The following REC114 variants were observed in gnomAD, a reference collection of about 807,000 sequenced individuals.
REC114 encodes the protein meiotic recombination protein REC114.
In REC114, 27 loss-of-function variants were observed where a neutral mutation model predicts 31.3. That is an observed-to-expected ratio of 0.86 (90% CI 0.64 to 1.19). REC114 has a LOEUF of 1.19. Ranked by LOEUF, REC114 falls within the 50% of genes most tolerant of loss-of-function variation. REC114 has a pLI of 0.00. For missense variants in REC114, 344 were observed against 326.9 expected (o/e 1.05, Z -0.40); for synonymous variants, 134 against 127.7 (o/e 1.05, Z -0.33).
chr15:73,449,846 A>G (rs1450884626), intron 1 of REC114, among the ~76,000 whole-genome samples: 1 of 152,242 alleles, frequency 6.6e-6, no homozygotes, highest in Non-Finnish European at 1.5e-5. Flanking sequence ...CCAGTATTCA[A>G]TATTCTTAAA....
At chr15:73,500,329 CTT>C (rs1031337648) in intron 2 of REC114, among the ~76,000 whole-genome samples, 15 of 139,098 alleles carry the variant, frequency 1.1e-4, no homozygotes, top group African/African-American at 3.9e-4. Context: ...TGCTGTCACC[CTT>C]TCTTTCCTTC....
chr15:73,502,576 G>T (rs1229203766), intron 2 of REC114, among the ~76,000 whole-genome samples: 1 of 152,112 alleles, frequency 6.6e-6, no homozygotes, highest in East Asian at 1.9e-4. Context: ...TCATCATAAA[G>T]GTCTTCATTG....
chr15:73,509,196 T>G lies in REC114; in HGVS notation c.250-31289T>G, dbSNP rs567144892. Among the ~76,000 whole-genome samples the G allele has an allele frequency of 2.6e-5, 4 of 152,232 alleles. No homozygotes were observed. The East Asian group carries it at 5.8e-4, about 22-fold the overall frequency. On this transcript the variant is annotated intron_variant, in intron 2 of 5. Coordinates refer to ENST00000331090, the MANE Select transcript of REC114 (RefSeq NM_001042367.2). ...TGATTTGCGTTTCTCTGATGGCCAGTGATGATGAGCATTTTTTCATGTGTT... is the reference window on the plus strand; with the variant it reads ...TGATTTGCGTTTCTCTGATGGCCAGGGATGATGAGCATTTTTTCATGTGTT...
chr15:73,517,750 C>T (rs1343574982), intron 2 of REC114, among the ~76,000 whole-genome samples: 1 of 152,162 alleles, frequency 6.6e-6, no homozygotes, highest in African/African-American at 2.4e-5. Context: ...AACAATTAGC[C>T]CTTCTGGTTC....
chr15:73,515,506 A>G (rs1893845897), intron 2 of REC114, among the ~76,000 whole-genome samples: 1 of 152,014 alleles, frequency 6.6e-6, no homozygotes, highest in Admixed American at 6.6e-5. Context: ...GCCCATATTC[A>G]TATGTTGAAG....
In REC114 at chr15:73,551,058, A is replaced by G. The variant is rs748780925; in HGVS notation, c.454A>G (p.Asn152Asp). The change falls in exon 4 of 6, where the codon AAC (asparagine) becomes GAC (aspartate). Residue 152 changes from asparagine to aspartate, a missense_variant. Transcript: ENST00000331090. ...CATAACCGTGCAGGTGCCTGATGGA[A>G]ACATCCAGGAGCTTCAGCTGATTCC... Reference protein sequence around the residue: ...QYITVQVPDGNIQELQLIPGP... With the variant: ...QYITVQVPDGDIQELQLIPGP... 1 of 1,613,832 alleles carries G rather than the reference A, an allele frequency of 6.2e-7. No homozygotes were observed. Among genetic ancestry groups the G allele is most frequent in the African/African-American group, 1.3e-5 (1 of 75,036 alleles).
intron 4 of REC114, among the ~76,000 whole-genome samples, chr15:73,554,184 A>G (rs750977589): frequency 4.6e-5 from 7 of 152,226 alleles, no homozygotes; most frequent in Non-Finnish European, 7.3e-5. Context: ...AGAGCAGATG[A>G]TAAGTTAAAG....
chr15:73,535,387 C>T (rs1240734959), intron 2 of REC114, among the ~76,000 whole-genome samples: 1 of 151,856 alleles, frequency 6.6e-6, no homozygotes, highest in Non-Finnish European at 1.5e-5. Flanking sequence ...ACACCAGCAA[C>T]AGACAAACAG....
At chr15:73,466,814 T>C (rs1484460565) in intron 1 of REC114, among the ~76,000 whole-genome samples, 1 of 152,244 alleles carries the variant, frequency 6.6e-6, no homozygotes, top group East Asian at 1.9e-4. Flanking sequence ...TTTAGACAAA[T>C]ACCAAAAGGT....
chr15:73,488,039 T>C (rs772228282), intron 2 of REC114, among the ~76,000 whole-genome samples: 7 of 152,170 alleles, frequency 4.6e-5, no homozygotes, highest in Admixed American at 1.3e-4. Flanking sequence ...GAGCTGAACT[T>C]GGGCCCACCT....
chr15:73,529,517 AGTT>A (rs1894048467), intron 2 of REC114, among the ~76,000 whole-genome samples: 1 of 152,100 alleles, frequency 6.6e-6, no homozygotes, highest in Non-Finnish European at 1.5e-5. Flanking sequence ...GGGAGATGGG[AGTT>A]GTTGAGTGTG....
chr15:73,502,156 T>TAAA lies in REC114; in HGVS notation c.249+28246_249+28248dup, dbSNP rs10677925. ...GGCAACAGAGCAAGACCTTGTCTCT[T>TAAA]AAAAAAAAAAAAATGACAGAATGCC... On this transcript the variant is annotated intron_variant, in intron 2 of 5. Transcript: ENST00000331090. Among the ~76,000 whole-genome samples, 7 of 147,504 alleles carry TAAA rather than the reference T, an allele frequency of 4.7e-5. No homozygotes were observed. In the East Asian group the frequency reaches 5.9e-4, roughly 13 times the overall value.
intron 3 of REC114, among the ~76,000 whole-genome samples, chr15:73,543,311 G>A (rs552232738): frequency 6.6e-6 from 1 of 152,114 alleles, no homozygotes; most frequent in Non-Finnish European, 1.5e-5. Context: ...GGAACCATTT[G>A]CCTGTTATTG....
At chr15:73,481,354 C>T (rs1367832420) in intron 2 of REC114, among the ~76,000 whole-genome samples, 2 of 152,082 alleles carry the variant, frequency 1.3e-5, no homozygotes, top group East Asian at 3.8e-4. Flanking sequence ...TACAGATTTC[C>T]ATCTTGCTTG....
intron 2 of REC114, among the ~76,000 whole-genome samples, chr15:73,513,445 C>G (rs1012202846): frequency 2.0e-5 from 3 of 148,552 alleles, no homozygotes. Context: ...TCTCTCAGCT[C>G]GTCAAAGTCA....
chr15:73,532,537 C>A (rs1894099972), intron 2 of REC114, among the ~76,000 whole-genome samples: 1 of 151,218 alleles, frequency 6.6e-6, no homozygotes, highest in Non-Finnish European at 1.5e-5. Context: ...ATTTCCAGTT[C>A]TAGATCCCTG....
chr15:73,478,410 G>A (rs1028206892), intron 2 of REC114, among the ~76,000 whole-genome samples: 2 of 151,676 alleles, frequency 1.3e-5, no homozygotes, highest in Non-Finnish European at 2.9e-5. Flanking sequence ...CTAAGTATGT[G>A]TTAGTCTATT....
chr15:73,514,622 CAT>C (rs1452688911), intron 2 of REC114, among the ~76,000 whole-genome samples: 1 of 152,006 alleles, frequency 6.6e-6, no homozygotes, highest in Non-Finnish European at 1.5e-5. Context: ...TAATGGGCAA[CAT>C]TAAAGTAATG....
At chr15:73,504,486 C>G (rs1267254667) in intron 2 of REC114, among the ~76,000 whole-genome samples, 1 of 152,112 alleles carries the variant, frequency 6.6e-6, no homozygotes, top group Non-Finnish European at 1.5e-5. Context: ...ATGTTGGATC[C>G]CTTCCTGGAC....
Sources: allele counts gnomAD v4.1 joint callset (sites outside exome capture counted in the v4.1 genomes callset), GRCh38; gene constraint gnomAD v4.1.1; transcripts MANE v1.5; gene names NCBI Gene and HGNC (gene_info 2026-07-23, HGNC 2026-07-21).